Variants in PTPRF observed in about 807,000 individuals in gnomAD.
PTPRF encodes the protein receptor-type tyrosine-protein phosphatase F.
In PTPRF, 59 loss-of-function variants were observed where a neutral mutation model predicts 201.8. The ratio of observed to expected loss-of-function variants is 0.29; its 90% CI spans 0.24 to 0.36. PTPRF has a LOEUF of 0.36. Ranked by LOEUF, PTPRF falls within the 10% of genes least tolerant of loss-of-function variation. The pLI is 1.00. For synonymous variants in PTPRF, 1,088 were observed against 1,089.7 expected (o/e 1.00, Z 0.03); for missense variants, 2,132 against 2,690.5 (o/e 0.79, Z 4.59).
At chr1:43,598,557 A>T (rs1652954730) in intron 12 of PTPRF, 163 bp from the exon 13 acceptor site, 2 of 667,236 alleles carry the variant, frequency 3.0e-6, no homozygotes, top group African/African-American at 3.6e-5. Flanking sequence ...GGGCAGAGGG[A>T]GCCTTCCGTG....
chr1:43,582,963 C>A, intron 7 of PTPRF: 1 of 626,628 alleles, frequency 1.6e-6, no homozygotes, highest in Non-Finnish European at 2.0e-6. Context: ...CGTCTCCGTG[C>A]TGTGTGGGCA....
At chr1:43,563,192 AAAT>A (rs1344085642) in intron 5 of PTPRF, among the ~76,000 whole-genome samples, 14 of 128,480 alleles carry the variant, frequency 1.1e-4, no homozygotes, top group South Asian at 2.5e-4. Flanking sequence ...AAAAAAAAAA[AAAT>A]AAGATTAGAA....
At chr1:43,587,254 G>A (rs11210878) in intron 7 of PTPRF, among the ~76,000 whole-genome samples, 39,530 of 152,080 alleles carry the variant, frequency 0.26, 6,087 homozygotes, top group East Asian at 0.48. Flanking sequence ...TGGAGGGCCC[G>A]TGAGCAGGAA....
At chr1:43,577,534 G>T (rs1465214380) in intron 6 of PTPRF, among the ~76,000 whole-genome samples, 1 of 152,216 alleles carries the variant, frequency 6.6e-6, no homozygotes, top group Admixed American at 6.5e-5. Context: ...GGTGGAAGAG[G>T]GACATCAGGT....
chr1:43,622,013 C>G lies in PTPRF; in HGVS notation c.*10C>G. ...CCACTATGCAACGTAACTACCGCTC[C>G]CCTCTCCTCCGCCACCCCCGCCGTG... On this transcript the variant is annotated 3_prime_UTR_variant, in exon 34 of 34. Transcript: ENST00000359947. The G allele has an allele frequency of 6.2e-7, 1 of 1,613,774 alleles. No homozygotes were observed. Among genetic ancestry groups the G allele is most frequent in the Non-Finnish European group, 8.5e-7 (1 of 1,179,808 alleles).
chr1:43,596,463 C>T (rs1174269484), intron 11 of PTPRF, among the ~76,000 whole-genome samples: 1 of 152,090 alleles, frequency 6.6e-6, no homozygotes, highest in East Asian at 1.9e-4. Flanking sequence ...CCTCGGTGGG[C>T]GTGGAGTCTG....
In PTPRF at chr1:43,578,894, C is replaced by G; in HGVS notation, c.653C>G (p.Ser218Ter). The change falls in exon 7 of 34, where the codon TCA (serine) becomes TGA (stop). Residue 218 changes from serine to a stop codon, truncating the protein, a stop_gained. Transcript: ENST00000359947. LOFTEE classifies it high-confidence loss of function. Reference sequence around the variant, plus strand: ...ACCAACTCGGCAGGCACACGTTACTCAGCCCCTGCGAACCTGTATGTGCGA... The same window carrying G: ...ACCAACTCGGCAGGCACACGTTACTGAGCCCCTGCGAACCTGTATGTGCGA... ...VATNSAGTRY[S>*]APANLYVRVR... 1 of 1,614,218 alleles carries G rather than the reference C, an allele frequency of 6.2e-7. No homozygotes were observed.
At chr1:43,567,428 C>G (rs538365164) in intron 5 of PTPRF, among the ~76,000 whole-genome samples, 1 of 152,338 alleles carries the variant, frequency 6.6e-6, no homozygotes, top group South Asian at 2.1e-4. Flanking sequence ...CAAGGAGACA[C>G]TGGGTTTATA....
chr1:43,572,594 G>A (rs747665792), intron 6 of PTPRF, among the ~76,000 whole-genome samples: 4 of 152,212 alleles, frequency 2.6e-5, no homozygotes, highest in Non-Finnish European at 5.9e-5. Flanking sequence ...GGGTGCTAAG[G>A]CTATTCCGTG....
Position 43,620,525 on chromosome 1 carries a change from T to A in PTPRF, c.5310T>A (p.Ala1770=). Residue 1770 remains alanine, a synonymous_variant, in exon 31 of 34, where the codon GCT becomes GCA. Coordinates refer to ENST00000359947, the MANE Select transcript of PTPRF (RefSeq NM_002840.5). The part of the protein sequence containing the change: ...RYQYFVVDPM[A]EYNMPQYILR... ...AGTACTTTGTTGTTGACCCGATGGC[T>A]GAGTACAACATGCCCCAGTATATCC... is the stretch of plus-strand genomic sequence containing the variant. 1.2e-6 allele frequency: 2 copies of A among 1,614,054 alleles called. No individual in the cohort carries two copies. Among genetic ancestry groups the A allele is most frequent in the South Asian group, 1.1e-5 (1 of 91,084 alleles).
intron 7 of PTPRF, chr1:43,579,652 G>A (rs994376916): frequency 2.0e-5 from 4 of 195,828 alleles, no homozygotes; most frequent in African/African-American, 9.4e-5. Flanking sequence ...GACTAAAGCT[G>A]GCCACCTTGC....
At chr1:43,587,813 C>A (rs1299508162) in intron 7 of PTPRF, among the ~76,000 whole-genome samples, 2 of 152,194 alleles carry the variant, frequency 1.3e-5, no homozygotes, top group Admixed American at 6.5e-5. Context: ...TCATCACCTC[C>A]CTTCCCTCTG....
At position 43,622,690 on chromosome 1, in the gene PTPRF, C is replaced by T. The variant is rs1350718047; in HGVS notation, c.*687C>T. The T allele has an allele frequency of 6.6e-6, 1 of 152,442 alleles. No homozygotes were observed. The allele number at this position is 152,442 out of a possible 1,614,324, so 9.4% of individuals were successfully genotyped here. ...TTTCCCTTTAAAGCCTTTTTTTAGG[C>T]CACATTGACAGTGGTGGGCGGGGAG... On this transcript the variant is annotated 3_prime_UTR_variant, in exon 34 of 34. Coordinates refer to ENST00000359947, the MANE Select transcript of PTPRF (RefSeq NM_002840.5).
intron 5 of PTPRF, among the ~76,000 whole-genome samples, chr1:43,567,775 T>A (rs1646284629): frequency 6.6e-6 from 1 of 152,240 alleles, no homozygotes; most frequent in Admixed American, 6.5e-5. Context: ...GGATGCCATG[T>A]GCCTTTACTC....
chr1:43,544,892 A>T, intron 2 of PTPRF, 139 bp from the exon 3 acceptor site: 1 of 582,616 alleles, frequency 1.7e-6, no homozygotes, highest in Non-Finnish European at 3.0e-6. Flanking sequence ...TGGTCATTGC[A>T]CAGCCCAAGT....
chr1:43,567,704 G>A (rs1392197899), intron 5 of PTPRF, among the ~76,000 whole-genome samples: 4 of 152,138 alleles, frequency 2.6e-5, no homozygotes, highest in Non-Finnish European at 5.9e-5. Context: ...GCTCTCCCTG[G>A]GTCTCCAAGA....
Position 43,619,125 on chromosome 1 carries a change from A to T in PTPRF, c.4569A>T (p.Pro1523=), listed in dbSNP as rs1658565561. The change falls in exon 27 of 34, where the codon CCA becomes CCT. Residue 1523 remains proline (P), a synonymous_variant. Transcript: ENST00000359947. ...AWPDHGVPEY[P]TPILAFLRRV... ...CAGACCATGGAGTTCCTGAGTACCC[A>T]ACTCCCATCCTGGCCTTCCTACGAC... 6.2e-7 allele frequency: 1 copy of T among 1,613,552 alleles called. No individual in the cohort carries two copies. Among genetic ancestry groups the T allele is most frequent in the Non-Finnish European group, 8.5e-7 (1 of 1,179,894 alleles).
chr1:43,591,577 G>A (rs761023992), intron 9 of PTPRF, 24 bp downstream of exon 9: 2 of 1,530,210 alleles, frequency 1.3e-6, no homozygotes, highest in South Asian at 1.2e-5. Context: ...TGCCGGCTGG[G>A]CAGCCAACAG....
chr1:43,620,287 G>A (rs989327675), intron 30 of PTPRF, 66 bp downstream of exon 30: 5 of 1,594,582 alleles, frequency 3.1e-6, no homozygotes, highest in Non-Finnish European at 3.4e-6. Context: ...CCTTGGGGGA[G>A]CTGCCGCCTA....
Sources: gnomAD v4.1 joint callset for allele counts (sites outside exome capture counted in the v4.1 genomes callset) on GRCh38, gnomAD v4.1.1 for gene constraint, MANE v1.5 for transcripts, NCBI Gene and HGNC (gene_info 2026-07-23, HGNC 2026-07-21) for gene names.